The following PLEKHA1 variants were observed in gnomAD, a reference collection of about 807,000 sequenced individuals.
The protein encoded by PLEKHA1 is pleckstrin homology domain containing A1.
PLEKHA1 carries 34 observed loss-of-function variants against 52.0 expected under a neutral mutation model. That is an observed-to-expected ratio of 0.65 (90% CI 0.50 to 0.87). The LOEUF (loss-of-function observed/expected upper bound fraction) is 0.87. PLEKHA1 is among the 40% of genes least tolerant of loss of function. The pLI, the probability that PLEKHA1 is intolerant of heterozygous loss-of-function variation, is 0.00. For synonymous variants in PLEKHA1, 163 were observed against 170.7 expected, an observed-to-expected ratio of 0.95 and a Z score of 0.35; for missense variants, 497 against 504.2, an observed-to-expected ratio of 0.99 and a Z score of 0.14.
downstream of PLEKHA1, chr10:122,436,779 G>C (rs906579844): frequency 6.6e-6 from 1 of 152,110 alleles, no homozygotes; most frequent in Non-Finnish European, 1.5e-5. Flanking sequence ...GAGAGAAAAA[G>C]GTACTTCTAA....
intron 8 of PLEKHA1, chr10:122,423,012 T>G (rs1401953644): frequency 6.6e-6 from 1 of 152,168 alleles, no homozygotes; most frequent in Non-Finnish European, 1.5e-5. Context: ...GTGTAGGTTA[T>G]GCAGAAATTC....
At chr10:122,391,098 TA>T (rs1318833927) in intron 1 of PLEKHA1, among the ~76,000 whole-genome samples, 1 of 152,122 alleles carries the variant, frequency 6.6e-6, no homozygotes, top group Admixed American at 6.6e-5. Flanking sequence ...CTTCTTTGGA[TA>T]AATGTCTCTT....
intron 8 of PLEKHA1, chr10:122,422,168 C>T (rs1301189542): frequency 6.6e-6 from 1 of 151,956 alleles, no homozygotes; most frequent in Admixed American, 6.6e-5. Flanking sequence ...AAAATATTTC[C>T]TTAGAGTAAA....
rs577477390 is a variant in PLEKHA1, at chr10:122,388,548, A to C, written c.-20-4633A>C. Among the ~76,000 whole-genome samples, 5 of 152,324 alleles carry C rather than the reference A, an allele frequency of 3.3e-5. No individual in the cohort carries two copies. In the South Asian group the frequency reaches 1.0e-3, roughly 32 times the overall value. On this transcript the variant is annotated intron_variant, in intron 1 of 11. Coordinates refer to ENST00000368990, the MANE Select transcript of PLEKHA1 (RefSeq NM_001001974.4). The stretch of plus-strand genomic sequence containing the variant: ...AGTTTCAGTCCATGGCAATAAGATA[A>C]ATGTTGCAATAGAATGAATCACACT...
intron 6 of PLEKHA1, 142 bp downstream of exon 6, chr10:122,413,187 T>C (rs1030350164): frequency 4.4e-5 from 34 of 765,168 alleles, no homozygotes; most frequent in Non-Finnish European, 5.7e-5. Context: ...TTCAAAAGTA[T>C]TTATTATAAA....
At chr10:122,415,593 ATAAT>A (rs2097163019) in intron 6 of PLEKHA1, among the ~76,000 whole-genome samples, 1 of 152,196 alleles carries the variant, frequency 6.6e-6, no homozygotes, top group Admixed American at 6.5e-5. Flanking sequence ...GTGAATCCTT[ATAAT>A]TATTTCAAAA....
chr10:122,411,878 G>A (rs2097111219), intron 5 of PLEKHA1: 1 of 152,190 alleles, frequency 6.6e-6, no homozygotes, highest in African/African-American at 2.4e-5. Context: ...ATTGTCAGTA[G>A]TATTTGTCAT....
At chr10:122,410,579 C>G (rs1004009735) in intron 5 of PLEKHA1, among the ~76,000 whole-genome samples, 3 of 152,060 alleles carry the variant, frequency 2.0e-5, no homozygotes, top group Non-Finnish European at 4.4e-5. Context: ...TTTTCTTGTT[C>G]TTAGGGAATA....
intron 6 of PLEKHA1, among the ~76,000 whole-genome samples, chr10:122,414,664 T>C (rs950077900): frequency 3.3e-5 from 5 of 152,048 alleles, no homozygotes; most frequent in African/African-American, 1.2e-4. Flanking sequence ...AGATAAAAGA[T>C]AAACAGATGG....
chr10:122,392,900 C>T (rs1357186197), intron 1 of PLEKHA1, among the ~76,000 whole-genome samples: 3 of 151,686 alleles, frequency 2.0e-5, no homozygotes, highest in African/African-American at 7.3e-5. Context: ...TTTGGCTCAC[C>T]TGGGGTTTTT....
At chr10:122,437,844 T>C in the PLEKHA1 span, 2 of 152,366 alleles carry the variant, frequency 1.3e-5, no homozygotes, top group Non-Finnish European at 2.9e-5. Context: ...ATTGGTGATC[T>C]TGCCAGGGCC....
downstream of PLEKHA1, chr10:122,435,296 C>G (rs1055033231): frequency 2.0e-5 from 3 of 152,078 alleles, no homozygotes; most frequent in Admixed American, 6.5e-5. Context: ...TGTTTTAAAC[C>G]TCAAGTAAGA....
intron 1 of PLEKHA1, among the ~76,000 whole-genome samples, chr10:122,378,577 A>G (rs2096569569): frequency 6.6e-6 from 1 of 151,950 alleles, no homozygotes; most frequent in Non-Finnish European, 1.5e-5. Context: ...CTCTACAGAA[A>G]ATAGAAAAAT....
chr10:122,415,886 A>C lies in PLEKHA1; in HGVS notation c.496A>C (p.Ser166Arg), dbSNP rs1449686138. 2 of 1,612,428 alleles carry C rather than the reference A, an allele frequency of 1.2e-6. No individual in the cohort carries two copies. Among genetic ancestry groups the C allele is most frequent in the South Asian group, 2.2e-5 (2 of 90,960 alleles). ...AGAAGAAGTAAATGAATGTGGTGAA[A>C]GTATTGACAGAAATAATCTGAAACG... ...QKEEVNECGE[S>R]IDRNNLKRSQ... Residue 166 changes from serine (S) to arginine (R), a missense_variant, in exon 7 of 12, where the codon AGT becomes CGT. By Grantham distance (110) the Ser-to-Arg change is moderately radical. Coordinates refer to ENST00000368990, the MANE Select transcript of PLEKHA1 (RefSeq NM_001001974.4).
At chr10:122,375,351 G>A (rs1391990908) in intron 1 of PLEKHA1, among the ~76,000 whole-genome samples, 1 of 152,244 alleles carries the variant, frequency 6.6e-6, no homozygotes, top group Non-Finnish European at 1.5e-5. Context: ...GACTTGCCGA[G>A]GCCGAAGCCG....
intron 1 of PLEKHA1, among the ~76,000 whole-genome samples, chr10:122,381,343 G>C (rs1027653084): frequency 2.0e-5 from 3 of 152,174 alleles, no homozygotes; most frequent in African/African-American, 7.2e-5. Context: ...GTTTGGATTT[G>C]TGTCCCCACC....
the PLEKHA1 span, chr10:122,440,761 C>A: frequency 6.6e-6 from 1 of 152,232 alleles, no homozygotes; most frequent in South Asian, 2.1e-4. Context: ...TGAAAACAGT[C>A]CAAATCCAGC....
At chr10:122,419,452 T>C (rs1365009260) in intron 8 of PLEKHA1, 1 of 152,188 alleles carries the variant, frequency 6.6e-6, no homozygotes, top group Non-Finnish European at 1.5e-5. Flanking sequence ...CCTTGTTGTC[T>C]CAGGAGGCTA....
intron 6 of PLEKHA1, among the ~76,000 whole-genome samples, chr10:122,414,486 A>G (rs574804330): frequency 6.6e-6 from 1 of 152,278 alleles, no homozygotes; most frequent in East Asian, 1.9e-4. Context: ...GCTCTATGAA[A>G]GACCTTCTTA....
Sources: allele counts gnomAD v4.1 joint callset (sites outside exome capture counted in the v4.1 genomes callset), GRCh38; gene constraint gnomAD v4.1.1; transcripts MANE v1.5; gene names NCBI Gene and HGNC (gene_info 2026-07-23, HGNC 2026-07-21).